The following SEMA3C variants were observed in gnomAD, a reference collection of about 807,000 sequenced individuals.
The protein encoded by SEMA3C is semaphorin-3C.
Under a neutral mutation model 89.4 loss-of-function variants are expected in SEMA3C, and 47 were observed. The ratio of observed to expected loss-of-function variants is 0.53; its 90% confidence interval spans 0.42 to 0.67. The LOEUF is 0.67. Ranked by LOEUF, SEMA3C falls within the 30% of genes least tolerant of loss-of-function variation. The pLI is 0.00. For missense variants in SEMA3C, 839 were observed against 929.1 expected (o/e 0.90, Z 1.26); for synonymous variants, 310 against 320.2 (o/e 0.97, Z 0.34).
At chr7:80,856,431 C>A (rs1790641699) in intron 2 of SEMA3C, among the ~76,000 whole-genome samples, 1 of 148,906 alleles carries the variant, frequency 6.7e-6, no homozygotes, top group Admixed American at 6.8e-5. Flanking sequence ...TGAAGATTAG[C>A]ACAAGCAGAG....
intron 2 of SEMA3C, among the ~76,000 whole-genome samples, chr7:80,863,509 A>G (rs868542423): frequency 1.3e-5 from 2 of 152,038 alleles, no homozygotes; most frequent in Middle Eastern, 6.8e-3. Flanking sequence ...ACTACTGGGT[A>G]TCTACCAGGA....
intron 2 of SEMA3C, among the ~76,000 whole-genome samples, chr7:80,886,428 A>G (rs1470923107): frequency 6.6e-6 from 1 of 150,478 alleles, no homozygotes; most frequent in Non-Finnish European, 1.5e-5. Flanking sequence ...ATCTCAGCTC[A>G]CTGCAACCTC....
intron 2 of SEMA3C, among the ~76,000 whole-genome samples, chr7:80,848,937 A>T (rs540528213): frequency 6.6e-6 from 1 of 152,272 alleles, no homozygotes; most frequent in Non-Finnish European, 1.5e-5. Flanking sequence ...CCCTCTTTTA[A>T]ATCGAACGCA....
At chr7:80,863,646 G>GTA (rs1309694723) in intron 2 of SEMA3C, among the ~76,000 whole-genome samples, 10 of 145,950 alleles carry the variant, frequency 6.9e-5, no homozygotes, top group African/African-American at 2.1e-4. Context: ...AGAAACTGTG[G>GTA]TATATATATA....
chr7:80,786,868 T>C (rs533428029), intron 12 of SEMA3C, among the ~76,000 whole-genome samples: 6 of 152,176 alleles, frequency 3.9e-5, no homozygotes, highest in East Asian at 1.9e-4. Flanking sequence ...ATATGGGAGA[T>C]TGGATTAACT....
chr7:80,890,460 A>G (rs2116146008), intron 2 of SEMA3C, among the ~76,000 whole-genome samples: 1 of 152,320 alleles, frequency 6.6e-6, no homozygotes, highest in South Asian at 2.1e-4. Flanking sequence ...TACTTAGTAA[A>G]ATAAACTTTA....
intron 5 of SEMA3C, among the ~76,000 whole-genome samples, chr7:80,815,648 A>T (rs1478510958): frequency 6.6e-6 from 1 of 151,932 alleles, no homozygotes; most frequent in Non-Finnish European, 1.5e-5. Context: ...TTAATACAGA[A>T]AATGTATAAT....
rs1792341824 is a variant in SEMA3C at position 80,918,885 on chromosome 7, G to T, written c.-96C>A. On this transcript the variant is annotated 5_prime_UTR_variant, in exon 1 of 18. Coordinates refer to ENST00000265361, the MANE Select transcript of SEMA3C (RefSeq NM_006379.5). ...TCAGTTTGCTACCGGGGTTGGATGC[G>T]CTTGTGTCTCCAGTCCTTTTCCCAG... The T allele has an allele frequency of 1.0e-6, 1 of 985,344 alleles. No individual in the cohort carries two copies. Among genetic ancestry groups the T allele is most frequent in the African/African-American group, 1.7e-5 (1 of 57,250 alleles). 61.0% of individuals were successfully genotyped at this position (985,344 alleles called of 1,614,324 possible). A position where few individuals can be genotyped will look rare whatever the true frequency, so the allele number is the denominator to read the frequency against.
At chr7:80,864,259 G>A (rs1278229970) in intron 2 of SEMA3C, among the ~76,000 whole-genome samples, 3 of 151,336 alleles carry the variant, frequency 2.0e-5, no homozygotes, top group Admixed American at 2.0e-4. Flanking sequence ...GTGAGAGCGG[G>A]TGAGGGATAA....
intron 2 of SEMA3C, among the ~76,000 whole-genome samples, chr7:80,912,075 G>A (rs374561377): frequency 1.3e-5 from 2 of 152,080 alleles, no homozygotes. Flanking sequence ...GCTTAACACA[G>A]AATATCATTT....
intron 5 of SEMA3C, among the ~76,000 whole-genome samples, chr7:80,812,542 T>G (rs777310921): frequency 2.0e-5 from 3 of 152,028 alleles, no homozygotes; most frequent in Non-Finnish European, 4.4e-5. Flanking sequence ...TAAGTGAGAG[T>G]TCGTCTTGCA....
intron 12 of SEMA3C, among the ~76,000 whole-genome samples, chr7:80,766,783 G>A (rs1788314611): frequency 1.3e-5 from 2 of 152,300 alleles, no homozygotes; most frequent in South Asian, 2.1e-4. Flanking sequence ...CTGAGTGAGT[G>A]AGCTCAAGCA....
intron 2 of SEMA3C, among the ~76,000 whole-genome samples, chr7:80,852,337 G>A (rs539278740): frequency 1.3e-5 from 2 of 152,262 alleles, no homozygotes; most frequent in East Asian, 3.9e-4. Context: ...AGTAGCCGGT[G>A]TCACTTGTTA....
chr7:80,758,532 AAAG>A (rs1242741485), intron 14 of SEMA3C, 44 bp from the exon 15 acceptor site: 2 of 1,578,012 alleles, frequency 1.3e-6, no homozygotes, highest in Non-Finnish European at 1.7e-6. Flanking sequence ...GTGGAAGTTA[AAAG>A]AAGACTTTCA....
At chr7:80,755,347 G>A (rs952644072) in intron 15 of SEMA3C, among the ~76,000 whole-genome samples, 1 of 149,310 alleles carries the variant, frequency 6.7e-6, no homozygotes, top group Non-Finnish European at 1.5e-5. Context: ...AGCCCATATT[G>A]AGCATAAACT....
At chr7:80,835,252 A>G (rs1790098946) in intron 2 of SEMA3C, among the ~76,000 whole-genome samples, 1 of 152,170 alleles carries the variant, frequency 6.6e-6, no homozygotes, top group South Asian at 2.1e-4. Flanking sequence ...CAGGCTAGAC[A>G]CTTTGCTGAA....
chr7:80,792,970 A>G (rs1190495076), intron 11 of SEMA3C, among the ~76,000 whole-genome samples: 1 of 152,224 alleles, frequency 6.6e-6, no homozygotes, highest in African/African-American at 2.4e-5. Flanking sequence ...AAACATGTTT[A>G]TTGAAACTTC....
At chr7:80,846,651 CTTAA>C (rs1037640626) in intron 2 of SEMA3C, among the ~76,000 whole-genome samples, 17 of 152,092 alleles carry the variant, frequency 1.1e-4, no homozygotes, top group African/African-American at 1.7e-4. Flanking sequence ...GTTTTTAAGG[CTTAA>C]TTGATACTAC....
At chr7:80,894,443 A>T (rs1391389541) in intron 2 of SEMA3C, among the ~76,000 whole-genome samples, 4 of 152,148 alleles carry the variant, frequency 2.6e-5, no homozygotes, top group Non-Finnish European at 5.9e-5. Context: ...ATATTACAAG[A>T]ATTTTTTTTA....
Sources: gnomAD v4.1 joint callset for allele counts (sites outside exome capture counted in the v4.1 genomes callset) on GRCh38, gnomAD v4.1.1 for gene constraint, MANE v1.5 for transcripts, NCBI Gene and HGNC (gene_info 2026-07-23, HGNC 2026-07-21) for gene names.